PLCB4: variants seen among roughly 807,000 people sequenced by gnomAD.
PLCB4 encodes the protein 1-phosphatidylinositol 4,5-bisphosphate phosphodiesterase beta-4.
Under a neutral mutation model 178.8 loss-of-function variants are expected in PLCB4, and 77 were observed. That is an observed-to-expected ratio of 0.43 (90% CI 0.36 to 0.52). The LOEUF (loss-of-function observed/expected upper bound fraction) is 0.52, where lower values mean the gene tolerates loss of function less well. PLCB4 is among the 20% of genes least tolerant of loss of function. The pLI is 0.00. For missense variants in PLCB4, 1,024 were observed against 1,453.4 expected (o/e 0.70, Z 4.80); for synonymous variants, 496 against 490.8 (o/e 1.01, Z -0.14).
intron 36 of PLCB4, among the ~76,000 whole-genome samples, chr20:9,470,900 TA>T (rs1257296901): frequency 6.6e-6 from 1 of 152,194 alleles, no homozygotes; most frequent in Non-Finnish European, 1.5e-5. Flanking sequence ...GGCTGTTTTT[TA>T]AAAAATAATT....
At chr20:9,207,140 A>C (rs538394278) in intron 2 of PLCB4, among the ~76,000 whole-genome samples, 1 of 152,198 alleles carries the variant, frequency 6.6e-6, no homozygotes, top group African/African-American at 2.4e-5. Context: ...AAACCCAAAA[A>C]CCAATACCCA....
rs546923574 is a variant in PLCB4 at position 9,411,228 on chromosome 20, T to TTTGC, written c.2051+140_2051+141insTTGC. ...ATGGAATAGAAAGAAATGAAATACC[T>TTTGC]AGAGAATATTTGCACATATACATTC... On this transcript the variant is annotated intron_variant, in intron 25 of 39. Transcript: ENST00000378473. The TTTGC allele has an allele frequency of 1.7e-4, 105 of 620,116 alleles. No homozygotes were observed. In the East Asian group the frequency reaches 2.8e-3, roughly 17 times the overall value. 38.4% of individuals were successfully genotyped at this position (620,116 alleles called of 1,614,324 possible). A position where few individuals can be genotyped will look rare whatever the true frequency, so the allele number is the denominator to read the frequency against.
chr20:9,474,643 G>A (rs2044420228), intron 38 of PLCB4, among the ~76,000 whole-genome samples: 1 of 151,570 alleles, frequency 6.6e-6, no homozygotes, highest in Admixed American at 6.6e-5. Flanking sequence ...TACTTAAGTA[G>A]GAATTATACT....
At chr20:9,390,195 A>G (rs185395927) in intron 16 of PLCB4, among the ~76,000 whole-genome samples, 90 of 152,366 alleles carry the variant, frequency 5.9e-4, no homozygotes, top group Admixed American at 2.7e-3. Flanking sequence ...AATGTGTTTC[A>G]GAAATACTTG....
chr20:9,289,878 A>T (rs143617506), intron 3 of PLCB4, among the ~76,000 whole-genome samples: 1 of 152,118 alleles, frequency 6.6e-6, no homozygotes, highest in East Asian at 1.9e-4. Context: ...ACTTCAAAAG[A>T]GTATGTAAAA....
intron 3 of PLCB4, among the ~76,000 whole-genome samples, chr20:9,276,025 A>G (rs977110135): frequency 6.6e-6 from 1 of 152,068 alleles, no homozygotes; most frequent in Non-Finnish European, 1.5e-5. Context: ...AGAGCACAGT[A>G]GGGAGTGGGA....
At chr20:9,225,541 G>A (rs896249810) in intron 3 of PLCB4, among the ~76,000 whole-genome samples, 1 of 152,180 alleles carries the variant, frequency 6.6e-6, no homozygotes, top group Non-Finnish European at 1.5e-5. Context: ...TTGCTTGTGA[G>A]TATGCTATTG....
chr20:9,170,518 C>G (rs1024645260), intron 2 of PLCB4, among the ~76,000 whole-genome samples: 2 of 152,058 alleles, frequency 1.3e-5, no homozygotes, highest in Non-Finnish European at 2.9e-5. Flanking sequence ...CACCTGGTTT[C>G]TCTGGATATA....
At chr20:9,246,736 C>T (rs1203024551) in intron 3 of PLCB4, among the ~76,000 whole-genome samples, 1 of 152,112 alleles carries the variant, frequency 6.6e-6, no homozygotes, top group Non-Finnish European at 1.5e-5. Context: ...ATTGTCTTCT[C>T]TTGTCATATA....
intron 3 of PLCB4, among the ~76,000 whole-genome samples, chr20:9,306,735 T>A (rs2094771876): frequency 6.6e-6 from 1 of 152,188 alleles, no homozygotes; most frequent in Non-Finnish European, 1.5e-5. Flanking sequence ...TGCAAGATGT[T>A]TGGGTTGTAG....
chr20:9,139,542 T>G (rs2092446945), intron 2 of PLCB4, among the ~76,000 whole-genome samples: 1 of 152,028 alleles, frequency 6.6e-6, no homozygotes, highest in South Asian at 2.1e-4. Flanking sequence ...AAGAGGGAGC[T>G]TATAGATGTG....
chr20:9,112,966 C>T (rs2091637888), intron 2 of PLCB4, among the ~76,000 whole-genome samples: 1 of 152,054 alleles, frequency 6.6e-6, no homozygotes, highest in Non-Finnish European at 1.5e-5. Context: ...GCTGAAGGAA[C>T]TGACTGCTGA....
intron 3 of PLCB4, among the ~76,000 whole-genome samples, chr20:9,233,720 C>T (rs2093960315): frequency 1.3e-5 from 2 of 152,236 alleles, no homozygotes; most frequent in East Asian, 3.9e-4. Context: ...TTATGTTTAA[C>T]TAACAGTGGC....
chr20:9,416,945 G>GAC (rs2040292522), intron 25 of PLCB4, among the ~76,000 whole-genome samples: 2 of 152,070 alleles, frequency 1.3e-5, no homozygotes, highest in Non-Finnish European at 2.9e-5. Flanking sequence ...TAAGAAAAGT[G>GAC]ACATTAAACT....
chr20:9,201,373 GT>G (rs2093543366), intron 2 of PLCB4, among the ~76,000 whole-genome samples: 1 of 152,110 alleles, frequency 6.6e-6, no homozygotes. Context: ...ACTCATAAAA[GT>G]TATGATGTAT....
At chr20:9,449,697 T>C (rs968990932) in intron 32 of PLCB4, among the ~76,000 whole-genome samples, 3 of 152,216 alleles carry the variant, frequency 2.0e-5, no homozygotes, top group Non-Finnish European at 4.4e-5. Context: ...ATGAGTCAAA[T>C]GAAATGCCTG....
intron 2 of PLCB4, among the ~76,000 whole-genome samples, chr20:9,203,725 T>C (rs900416267): frequency 1.3e-5 from 2 of 151,828 alleles, no homozygotes; most frequent in Admixed American, 6.6e-5. Context: ...AAGATAGGTT[T>C]CTCTCACTCC....
chr20:9,082,017 G>T (rs2090173692), intron 1 of PLCB4, among the ~76,000 whole-genome samples: 1 of 149,406 alleles, frequency 6.7e-6, no homozygotes, highest in Non-Finnish European at 1.5e-5. Context: ...TTTCCTGATA[G>T]GCACATACTC....
At chr20:9,470,585 G>A (rs2044122433) in intron 36 of PLCB4, among the ~76,000 whole-genome samples, 1 of 152,276 alleles carries the variant, frequency 6.6e-6, no homozygotes, top group South Asian at 2.1e-4. Context: ...GTAGACTTTA[G>A]CTCGGTTGAG....
Sources: allele counts gnomAD v4.1 joint callset (sites outside exome capture counted in the v4.1 genomes callset), GRCh38; gene constraint gnomAD v4.1.1; transcripts MANE v1.5; gene names NCBI Gene and HGNC (gene_info 2026-07-23, HGNC 2026-07-21).